The following CYP4F11 variants were observed in gnomAD, a reference collection of about 807,000 sequenced individuals.
CYP4F11 encodes cytochrome P450 4F11.
Under a neutral mutation model 62.2 loss-of-function variants are expected in CYP4F11, and 79 were observed. That is an observed-to-expected ratio of 1.27 (90% CI 1.06 to 1.53). CYP4F11 has a LOEUF of 1.53. Ranked by LOEUF, CYP4F11 falls within the 40% of genes most tolerant of loss-of-function variation. The pLI, the probability that CYP4F11 is intolerant of heterozygous loss-of-function variation, is 0.00. For missense variants in CYP4F11, 777 were observed against 680.5 expected (o/e 1.14, Z -1.58); for synonymous variants, 290 against 263.7 (o/e 1.10, Z -0.97).
At chr19:15,916,228 A>G (rs1568481150) in intron 8 of CYP4F11, among the ~76,000 whole-genome samples, 1 of 152,182 alleles carries the variant, frequency 6.6e-6, no homozygotes, top group Admixed American at 6.5e-5. Flanking sequence ...ACAAGAGAAT[A>G]TATTCAGTGC....
In CYP4F11 at chr19:15,934,123, T is replaced by A. The variant is rs890214870; in HGVS notation, c.198+88A>T. The stretch of plus-strand genomic sequence containing the variant: ...CTGTGTTCCCACACCCCAGCCACCC[T>A]CAAAACCCAGCTCCCTGAGCCCCAT... On this transcript the variant is annotated intron_variant, in intron 1 of 11. Transcript: ENST00000402119. 5 of 1,467,046 alleles carry A rather than the reference T, an allele frequency of 3.4e-6. No homozygotes were observed. The East Asian group carries it at 1.1e-4, about 34-fold the overall frequency. 90.9% of individuals were successfully genotyped at this position (1,467,046 alleles called of 1,614,324 possible).
At chr19:15,923,782 T>C (rs2089647176) in intron 6 of CYP4F11, 30 bp downstream of exon 6, 1 of 1,599,486 alleles carries the variant, frequency 6.3e-7, no homozygotes, top group Middle Eastern at 1.7e-4. Flanking sequence ...TCCACTCTAT[T>C]ACTTGAATTC....
At chr19:15,922,308 G>A (rs1465245452) in intron 7 of CYP4F11, 56 bp downstream of exon 7, 17 of 1,607,924 alleles carry the variant, frequency 1.1e-5, no homozygotes, top group Admixed American at 1.7e-5. Context: ...CACCCACTAC[G>A]TTCCTGGGAT....
At position 15,912,726 on chromosome 19, in the gene CYP4F11, TGTG is replaced by T; in HGVS notation, c.*1003_*1005del. ...GTGTGTGTGTGTGTGTGTGTGTGTG[TGTG>T]TGTGTATATGTATATATGTGTGTGT... On this transcript the variant is annotated 3_prime_UTR_variant, in exon 12 of 12. Transcript: ENST00000402119. The T allele has an allele frequency of 1.2e-5, 1 of 83,500 alleles. No homozygotes were observed. Among genetic ancestry groups the T allele is most frequent in the African/African-American group, 4.6e-5 (1 of 21,518 alleles). The allele number at this position is 83,500 out of a possible 1,614,324, so 5.2% of individuals were successfully genotyped here.
chr19:15,927,816 C>T, intron 2 of CYP4F11: 2 of 294,418 alleles, frequency 6.8e-6, no homozygotes, highest in South Asian at 1.9e-4. Flanking sequence ...ACTCCCAGCA[C>T]TCTCTGCTAT....
At chr19:15,926,266 TG>T (rs1437044068) in intron 4 of CYP4F11, among the ~76,000 whole-genome samples, 2 of 152,100 alleles carry the variant, frequency 1.3e-5, no homozygotes, top group African/African-American at 2.4e-5. Flanking sequence ...TGGCACCCCG[TG>T]GGATTTAAGT....
intron 8 of CYP4F11, among the ~76,000 whole-genome samples, chr19:15,919,521 T>TAGAC (rs59363861): frequency 0.11 from 15,905 of 145,754 alleles, 1,199 homozygotes; most frequent in Non-Finnish European, 0.13. Context: ...GATAGATAGA[T>TAGAC]AGACAGATAG....
rs1376868308 is a variant in CYP4F11, at chr19:15,913,735, C to T, written c.1572G>A (p.Gln524=). 5.0e-6 allele frequency: 8 copies of T among 1,614,114 alleles called. 1 individual carries two copies. The South Asian group carries it at 7.7e-5, about 16-fold the overall frequency. Residue 524 remains glutamine, a synonymous_variant, in exon 12 of 12, where the codon CAG becomes CAA. Transcript: ENST00000402119. ...LRVEPLGANS[Q] is the part of the protein sequence containing the mutation. ...GGTGGGTGGGTGGGTAGGACAGTCACTGTGAGTTCGCACCCAGGGGCTCCA... is the reference window on the plus strand; with the variant it reads ...GGTGGGTGGGTGGGTAGGACAGTCATTGTGAGTTCGCACCCAGGGGCTCCA...
chr19:15,922,007 G>A, intron 8 of CYP4F11, 30 bp downstream of exon 8: 1 of 1,541,786 alleles, frequency 6.5e-7, no homozygotes, highest in South Asian at 1.3e-5. Flanking sequence ...AATGACAAAA[G>A]ATCAGGAACA....
chr19:15,923,945 A>C lies in CYP4F11; in HGVS notation c.785T>G (p.Leu262Arg). Reference sequence around the variant, plus strand: ...GACGGCATCTGTGAAGTCGTGCACCAGGTGGCAGGCCCTGCGGAAGCGCTG... The same window carrying C: ...GACGGCATCTGTGAAGTCGTGCACCCGGTGGCAGGCCCTGCGGAAGCGCTG... The part of the protein sequence containing the change: ...DGQRFRRACH[L>R]VHDFTDAVIQ... The change falls in exon 6 of 12, where the codon CTG becomes CGG. Residue 262 changes from leucine (L) to arginine (R), a missense_variant. Coordinates refer to ENST00000402119, the MANE Select transcript of CYP4F11 (RefSeq NM_021187.4). The C allele has an allele frequency of 6.2e-7, 1 of 1,614,206 alleles. No individual in the cohort carries two copies.
chr19:15,931,659 A>G (rs1158258365), intron 1 of CYP4F11, among the ~76,000 whole-genome samples: 28 of 59,218 alleles, frequency 4.7e-4, no homozygotes, highest in Admixed American at 6.3e-4. Context: ...GGAATGAGTG[A>G]GCGAGGAGAG....
chr19:15,925,742 A>ACACG, intron 4 of CYP4F11, among the ~76,000 whole-genome samples: 1 of 151,218 alleles, frequency 6.6e-6, no homozygotes, highest in Non-Finnish European at 1.5e-5. Context: ...ACACACACAC[A>ACACG]CACACACACA....
chr19:15,916,002 C>G (rs1228102184), intron 8 of CYP4F11, among the ~76,000 whole-genome samples: 2 of 151,918 alleles, frequency 1.3e-5, no homozygotes, highest in Non-Finnish European at 2.9e-5. Context: ...ATACATTTCC[C>G]TCTATCTGAA....
intron 8 of CYP4F11, among the ~76,000 whole-genome samples, chr19:15,920,510 A>G (rs1197655413): frequency 1.3e-5 from 2 of 152,180 alleles, no homozygotes; most frequent in East Asian, 1.9e-4. Flanking sequence ...TTTGCTTGAA[A>G]TCTTGGTTTT....
chr19:15,923,238 C>CTCT (rs2089642090), intron 6 of CYP4F11, among the ~76,000 whole-genome samples: 13 of 110,460 alleles, frequency 1.2e-4, no homozygotes, highest in Admixed American at 4.7e-4. Context: ...AAGCAAACAT[C>CTCT]CTCTCTCTCT....
chr19:15,927,569 T>G, intron 2 of CYP4F11, 86 bp from the exon 3 acceptor site: 1 of 1,571,624 alleles, frequency 6.4e-7, no homozygotes, highest in Non-Finnish European at 8.7e-7. Flanking sequence ...GCCAGGGGTG[T>G]GCACTTCCAC....
In CYP4F11 at chr19:15,923,238, C is replaced by CCTCTCTCTCTCTCTCTCT. The variant is rs3056063; in HGVS notation, c.918+556_918+573dup. ...TTTTATTCCAGAACAAAGCAAACAT[C>CCTCTCTCTCTCTCTCTCT]CTCTCTCTCTCTCTCTCTCTCTCTC... is the stretch of plus-strand genomic sequence containing the variant. On this transcript the variant is annotated intron_variant, in intron 6 of 11. Transcript: ENST00000402119. Among the ~76,000 whole-genome samples the CCTCTCTCTCTCTCTCTCT allele has an allele frequency of 2.2e-3, 244 of 110,482 alleles. 4 individuals carry two copies. Among genetic ancestry groups the CCTCTCTCTCTCTCTCTCT allele is most frequent in the African/African-American group, 8.5e-3 (239 of 28,172 alleles). The allele number at this position is 110,482 out of a possible 152,430, so 72.5% of individuals were successfully genotyped here.
intron 8 of CYP4F11, among the ~76,000 whole-genome samples, chr19:15,920,126 T>C (rs2089614425): frequency 6.6e-6 from 1 of 152,218 alleles, no homozygotes; most frequent in Non-Finnish European, 1.5e-5. Context: ...GACCATCAGG[T>C]GGATTTAATC....
Position 15,934,351 on chromosome 19 carries a change from G to GCCA in CYP4F11, c.55_57dup (p.Trp19dup). ...GAGCCTCCAACCAGCAGCAGAAGCA[G>GCCA]CCACGGGGATGCTGCCACGGGCCCG... On this transcript the variant is annotated inframe_insertion, in exon 1 of 12. Coordinates refer to ENST00000402119, the MANE Select transcript of CYP4F11 (RefSeq NM_021187.4). 1 of 1,613,406 alleles carries GCCA rather than the reference G, an allele frequency of 6.2e-7. No homozygotes were observed. Among genetic ancestry groups the GCCA allele is most frequent in the Non-Finnish European group, 8.5e-7 (1 of 1,179,670 alleles).
Sources: allele counts gnomAD v4.1 joint callset (sites outside exome capture counted in the v4.1 genomes callset), GRCh38; gene constraint gnomAD v4.1.1; transcripts MANE v1.5; gene names NCBI Gene and HGNC (gene_info 2026-07-23, HGNC 2026-07-21).